Variants in TBC1D5 observed in about 807,000 individuals in gnomAD.
TBC1D5 encodes TBC1 domain family member 5.
TBC1D5 carries 75 observed loss-of-function variants against 100.3 expected under a neutral mutation model. The observed-to-expected ratio is 0.75, with a 90% CI of 0.62 to 0.91. The LOEUF (loss-of-function observed/expected upper bound fraction) is 0.91. Among genes scored for constraint, TBC1D5 ranks in the 40% least tolerant of loss-of-function variants. TBC1D5 has a pLI of 0.00. For synonymous variants in TBC1D5, 323 were observed against 325.6 expected (o/e 0.99, Z 0.09); for missense variants, 910 against 942.4 (o/e 0.97, Z 0.45).
At chr3:17,742,239 G>T (rs2154013404), upstream of TBC1D5, among the ~76,000 whole-genome samples, 1 of 152,242 alleles carries the variant, frequency 6.6e-6, no homozygotes, top group Non-Finnish European at 1.5e-5. Flanking sequence ...CCGACTCCGA[G>T]GCGCACAAAC....
At chr3:17,424,785 T>C (rs886836880) in intron 4 of TBC1D5, among the ~76,000 whole-genome samples, 6 of 151,740 alleles carry the variant, frequency 4.0e-5, no homozygotes, top group Admixed American at 1.3e-4. Flanking sequence ...CCCAGGTTAT[T>C]AAGAAAAAAA....
chr3:17,725,446 G>C (rs981865135), intron 1 of TBC1D5, among the ~76,000 whole-genome samples: 26 of 151,966 alleles, frequency 1.7e-4, no homozygotes, highest in African/African-American at 5.6e-4. Flanking sequence ...GTGGGCAAGA[G>C]CATAGCAGGG....
intron 2 of TBC1D5, among the ~76,000 whole-genome samples, chr3:17,603,799 C>T (rs1046626970): frequency 4.6e-5 from 7 of 152,142 alleles, no homozygotes; most frequent in Non-Finnish European, 1.0e-4. Context: ...AGGCACGCAC[C>T]ACGCCTAGCT....
chr3:17,534,653 G>C (rs1400876789), intron 2 of TBC1D5, among the ~76,000 whole-genome samples: 3 of 152,100 alleles, frequency 2.0e-5, no homozygotes, highest in Non-Finnish European at 4.4e-5. Context: ...AGATGATGTC[G>C]GTGTTACAAG....
At chr3:17,578,216 A>G (rs2096669761) in intron 2 of TBC1D5, among the ~76,000 whole-genome samples, 1 of 152,040 alleles carries the variant, frequency 6.6e-6, no homozygotes, top group African/African-American at 2.4e-5. Flanking sequence ...CGACTTATCT[A>G]CAAGACAAAC....
intron 2 of TBC1D5, among the ~76,000 whole-genome samples, chr3:17,585,231 G>A (rs1043103942): frequency 6.6e-6 from 1 of 152,144 alleles, no homozygotes; most frequent in Non-Finnish European, 1.5e-5. Context: ...ATGGGAATGG[G>A]TACTAGAAGA....
At chr3:17,684,553 T>C (rs2069975477) in intron 1 of TBC1D5, among the ~76,000 whole-genome samples, 1 of 152,096 alleles carries the variant, frequency 6.6e-6, no homozygotes, top group East Asian at 1.9e-4. Context: ...AACCTATTCA[T>C]TAAACCCTTT....
At chr3:17,222,336 TA>T (rs1167069068) in intron 17 of TBC1D5, among the ~76,000 whole-genome samples, 7 of 152,316 alleles carry the variant, frequency 4.6e-5, no homozygotes, top group East Asian at 1.9e-4. Context: ...AACATTTCCT[TA>T]TTAGTTCAAC....
intron 3 of TBC1D5, among the ~76,000 whole-genome samples, chr3:17,447,228 T>C (rs539301605): frequency 6.6e-6 from 1 of 152,348 alleles, no homozygotes; most frequent in Non-Finnish European, 1.5e-5. Context: ...TAACCATTTA[T>C]GGAGTATTGC....
chr3:17,337,123 G>GTTTTTTTTTTTTTTTTTTTTTTTTT (rs11328091), intron 13 of TBC1D5, among the ~76,000 whole-genome samples: 3 of 116,132 alleles, frequency 2.6e-5, no homozygotes, highest in African/African-American at 1.1e-4. Context: ...TATCTGAGAG[G>GTTTTTTTTTTTTTTTTTTTTTTTTT]TTTTTTTTTT....
chr3:17,168,647 C>T (rs985106562), intron 19 of TBC1D5, among the ~76,000 whole-genome samples: 18 of 152,132 alleles, frequency 1.2e-4, no homozygotes, highest in African/African-American at 4.3e-4. Flanking sequence ...CGGGGAAGTA[C>T]AAGAGGATGT....
chr3:17,218,818 T>G (rs1289148201), intron 17 of TBC1D5, among the ~76,000 whole-genome samples: 1 of 152,032 alleles, frequency 6.6e-6, no homozygotes, highest in Non-Finnish European at 1.5e-5. Flanking sequence ...TGTTCTTCTA[T>G]TGCTGCTTTC....
intron 17 of TBC1D5, among the ~76,000 whole-genome samples, chr3:17,226,836 T>C (rs2074954376): frequency 6.6e-6 from 1 of 152,172 alleles, no homozygotes; most frequent in African/African-American, 2.4e-5. Flanking sequence ...TTAAAATTAT[T>C]TTAGATTGTA....
intron 16 of TBC1D5, among the ~76,000 whole-genome samples, chr3:17,250,341 C>T (rs1216823256): frequency 1.3e-5 from 2 of 152,234 alleles, no homozygotes; most frequent in Non-Finnish European, 2.9e-5. Flanking sequence ...ATTTTCCACA[C>T]AGCACCCAGA....
At chr3:17,639,248 G>A (rs927679970) in intron 1 of TBC1D5, among the ~76,000 whole-genome samples, 19 of 152,050 alleles carry the variant, frequency 1.2e-4, no homozygotes, top group African/African-American at 4.6e-4. Flanking sequence ...AAAACATTAT[G>A]CTCTGGACAA....
At position 17,207,391 on chromosome 3, in the gene TBC1D5, C is replaced by A. The variant is rs571419634; in HGVS notation, c.1752+6816G>T. On this transcript the variant is annotated intron_variant, in intron 18 of 21. Coordinates refer to ENST00000253692, the Ensembl canonical transcript of TBC1D5. ...AAAGTATCAAAATGTTTTACTTTCT[C>A]TTCAAGACAAACCAATACCAATCCT... 5.9e-5 allele frequency among the ~76,000 whole-genome samples: 9 copies of A among 152,294 alleles called. No homozygotes were observed. The South Asian group carries it at 1.7e-3, about 28-fold the overall frequency.
At chr3:17,654,565 T>C (rs937396641) in intron 1 of TBC1D5, among the ~76,000 whole-genome samples, 3 of 152,232 alleles carry the variant, frequency 2.0e-5, no homozygotes, top group South Asian at 4.1e-4. Context: ...GGTTTGCCAG[T>C]ATTTTATTGA....
chr3:17,440,626 T>C (rs2094633109), intron 3 of TBC1D5, among the ~76,000 whole-genome samples: 2 of 152,018 alleles, frequency 1.3e-5, no homozygotes, highest in African/African-American at 4.8e-5. Context: ...CTTAAAAACA[T>C]ATACATTTTT....
intron 17 of TBC1D5, among the ~76,000 whole-genome samples, chr3:17,223,731 C>T (rs1263910562): frequency 1.3e-5 from 2 of 151,936 alleles, no homozygotes; most frequent in Non-Finnish European, 2.9e-5. Flanking sequence ...CATGGTGGTG[C>T]GTGCCTGTAG....
Sources: gnomAD v4.1 joint callset for allele counts (sites outside exome capture counted in the v4.1 genomes callset) on GRCh38, gnomAD v4.1.1 for gene constraint, MANE v1.5 for transcripts, NCBI Gene and HGNC (gene_info 2026-07-23, HGNC 2026-07-21) for gene names.